Variants in KBTBD11 observed in about 807,000 individuals in gnomAD.
The protein encoded by KBTBD11 is kelch repeat and BTB domain-containing protein 11.
For missense variants in KBTBD11, 1,390 were observed against 1,001.8 expected, an observed-to-expected ratio of 1.39 and a Z score of -5.23; for synonymous variants, 747 against 499.0, an observed-to-expected ratio of 1.50 and a Z score of -6.63.
rs762238857 is a variant in KBTBD11, at chr8:2,001,404, C to G, written c.212C>G (p.Pro71Arg). ...ACCTCCCCGCCCTCCAGCGGTGGCC[C>G]GCGGGTGGTGGAGCGGCAGTGGGAG... ...AATSPPSSGGPRVVERQWEAG... is the reference protein window; with the variant it reads ...AATSPPSSGGRRVVERQWEAG... The change falls in exon 2 of 2, where the codon CCG (proline) becomes CGG (arginine). Residue 71 changes from proline to arginine, a missense_variant. Transcript: ENST00000320248. 6.5e-4 allele frequency: 908 copies of G among 1,406,226 alleles called. 1 individual carries two copies. The highest frequency in any genetic ancestry group is 1.5e-3 in the Admixed American group (50 of 32,478). The allele number at this position is 1,406,226 out of a possible 1,614,324, so 87.1% of individuals were successfully genotyped here.
In KBTBD11 at chr8:2,003,117, C is replaced by G; in HGVS notation, c.*53C>G. 1 of 1,252,288 alleles carries G rather than the reference C, an allele frequency of 8.0e-7. No individual in the cohort carries two copies. Among genetic ancestry groups the G allele is most frequent in the Non-Finnish European group, 1.0e-6 (1 of 991,796 alleles). 77.6% of individuals were successfully genotyped at this position (1,252,288 alleles called of 1,614,324 possible). On this transcript the variant is annotated 3_prime_UTR_variant, in exon 2 of 2. Transcript: ENST00000320248. ...CGGCAGGGGTTTGCGGGGCCCAGGT[C>G]CCTTTGGGCCCGCGGAGGAGGACGT...
intron 1 of KBTBD11, among the ~76,000 whole-genome samples, chr8:1,980,270 A>G (rs1244049664): frequency 7.4e-6 from 1 of 134,780 alleles, no homozygotes; most frequent in Non-Finnish European, 1.5e-5. Flanking sequence ...CTCTGTCACC[A>G]GGCTGGAGTG....
At chr8:1,999,546 G>A (rs1281150514) in intron 1 of KBTBD11, among the ~76,000 whole-genome samples, 2 of 152,162 alleles carry the variant, frequency 1.3e-5, no homozygotes, top group African/African-American at 4.8e-5. Flanking sequence ...ATATTTGATT[G>A]TATTCTATAA....
chr8:1,991,465 C>T (rs988870836), intron 1 of KBTBD11, among the ~76,000 whole-genome samples: 2 of 152,256 alleles, frequency 1.3e-5, no homozygotes, highest in African/African-American at 2.4e-5. Flanking sequence ...CTGTCCTCTT[C>T]CCATTTTTAA....
chr8:2,003,272 AG>A lies in KBTBD11; in HGVS notation c.*209del, dbSNP rs549069650. 3.1e-5 allele frequency: 23 copies of A among 731,740 alleles called. No homozygotes were observed. In the African/African-American group the frequency reaches 3.5e-4, roughly 11 times the overall value. 45.3% of individuals were successfully genotyped at this position (731,740 alleles called of 1,614,324 possible). On this transcript the variant is annotated 3_prime_UTR_variant, in exon 2 of 2. Coordinates refer to ENST00000320248, the MANE Select transcript of KBTBD11 (RefSeq NM_014867.3). ...TTTGCTTCTGGGGGTGGATGCCTTG[AG>A]ACCCAGGAGGTGTGCGGATGGGTCC...
At chr8:1,979,330 C>T (rs1261019815) in intron 1 of KBTBD11, among the ~76,000 whole-genome samples, 1 of 152,186 alleles carries the variant, frequency 6.6e-6, no homozygotes, top group Non-Finnish European at 1.5e-5. Flanking sequence ...TTAATCATGT[C>T]TTTAAAAAAC....
chr8:1,992,895 A>T (rs1017812435), intron 1 of KBTBD11, among the ~76,000 whole-genome samples: 1 of 151,606 alleles, frequency 6.6e-6, no homozygotes, highest in Non-Finnish European at 1.5e-5. Flanking sequence ...ATAATATCTT[A>T]ATCTGCCATT....
rs760094316 is a variant in KBTBD11 at position 2,002,431 on chromosome 8, C to T, written c.1239C>T (p.His413=). The change falls in exon 2 of 2, where the codon CAC becomes CAT. Residue 413 remains histidine, a synonymous_variant. Coordinates refer to ENST00000320248, the MANE Select transcript of KBTBD11 (RefSeq NM_014867.3). This position sits in a 1 kb window ranked among gnomAD's most constrained non-coding sequence, Gnocchi z 4.1. ...SQLRLLALDG[H]LYAVGGECLL... is the part of the protein sequence containing the mutation. ...TGCGGCTGCTGGCCCTGGACGGTCA[C>T]CTCTACGCCGTGGGCGGCGAGTGCC... 16 of 1,505,024 alleles carry T rather than the reference C, an allele frequency of 1.1e-5. No homozygotes were observed. The highest frequency in any genetic ancestry group is 6.1e-5 in the South Asian group (5 of 81,366). The allele number at this position is 1,505,024 out of a possible 1,614,324, so 93.2% of individuals were successfully genotyped here.
At chr8:1,979,859 C>T (rs1003513246) in intron 1 of KBTBD11, among the ~76,000 whole-genome samples, 4 of 152,250 alleles carry the variant, frequency 2.6e-5, no homozygotes, top group African/African-American at 9.6e-5. Flanking sequence ...TTCCACACTC[C>T]TGGCTGCACC....
In KBTBD11 at chr8:1,982,340, A is replaced by T. The variant is rs145963035; in HGVS notation, c.-909+8405A>T. On this transcript the variant is annotated intron_variant, in intron 1 of 1. Coordinates refer to ENST00000320248, the MANE Select transcript of KBTBD11 (RefSeq NM_014867.3). Reference sequence around the variant, plus strand: ...GAAGACAGCAAGAGAGGAAGAAAGGAACAAAAGACCTACAAAACAACCAGA... The same window carrying T: ...GAAGACAGCAAGAGAGGAAGAAAGGTACAAAAGACCTACAAAACAACCAGA... Among the ~76,000 whole-genome samples, 196 of 152,336 alleles carry T rather than the reference A, an allele frequency of 1.3e-3. 1 individual carries two copies. The highest frequency in any genetic ancestry group is 2.3e-3 in the Non-Finnish European group (155 of 68,032).
intron 1 of KBTBD11, among the ~76,000 whole-genome samples, chr8:1,983,774 T>A (rs4577992): frequency 0.59 from 89,495 of 152,192 alleles, 26,717 homozygotes; most frequent in East Asian, 0.82. Context: ...TGGAGACTGC[T>A]TGGATGCAGG....
At chr8:1,982,956 C>T (rs1447221917) in intron 1 of KBTBD11, among the ~76,000 whole-genome samples, 6 of 152,108 alleles carry the variant, frequency 3.9e-5, no homozygotes, top group Non-Finnish European at 5.9e-5. Flanking sequence ...GAACTGCTGA[C>T]CTCAAGTGAT....
chr8:1,998,874 G>A (rs1817240328), intron 1 of KBTBD11, among the ~76,000 whole-genome samples: 1 of 152,174 alleles, frequency 6.6e-6, no homozygotes, highest in Non-Finnish European at 1.5e-5. Context: ...TTCCATTTCG[G>A]GTCACCGTTA....
chr8:1,974,222 G>C (rs1407375518), intron 1 of KBTBD11: 1 of 904,678 alleles, frequency 1.1e-6, no homozygotes, highest in Admixed American at 6.2e-5. Context: ...GCCTCCGGGA[G>C]GCCGCGTGGG....
At chr8:1,983,894 C>T (rs1327078921) in intron 1 of KBTBD11, among the ~76,000 whole-genome samples, 1 of 152,178 alleles carries the variant, frequency 6.6e-6, no homozygotes, top group Non-Finnish European at 1.5e-5. Flanking sequence ...CTTTGGGAGG[C>T]CAAGGTGGGT....
At chr8:1,996,509 C>G (rs1210594622) in intron 1 of KBTBD11, among the ~76,000 whole-genome samples, 1 of 152,020 alleles carries the variant, frequency 6.6e-6, no homozygotes, top group African/African-American at 2.4e-5. Context: ...CTCAGGTGAC[C>G]CACCCACCTC....
rs1817425829 is a variant in KBTBD11, at chr8:2,002,561, G to A, written c.1369G>A (p.Gly457Ser). The part of the protein sequence containing the change: ...AVAHEATTCH[G>S]EIYVSGGSLF... ...GGCGCATGAGGCCACCACCTGCCACGGCGAGATCTACGTGTCCGGGGGCTC... is the reference window on the plus strand; with the variant it reads ...GGCGCATGAGGCCACCACCTGCCACAGCGAGATCTACGTGTCCGGGGGCTC... Residue 457 changes from glycine (G) to serine (S), a missense_variant, in exon 2 of 2, where the codon GGC (glycine) becomes AGC (serine). Transcript: ENST00000320248. This position sits in a 1 kb window ranked among gnomAD's most constrained non-coding sequence, Gnocchi z 4.1. The A allele has an allele frequency of 6.3e-7, 1 of 1,577,622 alleles. No individual in the cohort carries two copies. The highest frequency in any genetic ancestry group is 8.5e-7 in the Non-Finnish European group (1 of 1,171,260).
chr8:1,981,641 C>G (rs1398316347), intron 1 of KBTBD11, among the ~76,000 whole-genome samples: 1 of 152,196 alleles, frequency 6.6e-6, no homozygotes, highest in Non-Finnish European at 1.5e-5. Flanking sequence ...GTCCAATTGT[C>G]TGAGAGCCCA....
In KBTBD11 at chr8:2,001,795, C is replaced by A; in HGVS notation, c.603C>A (p.Pro201=). The change falls in exon 2 of 2, where the codon CCC becomes CCA. Residue 201 remains proline, a synonymous_variant. Transcript: ENST00000320248. The part of the protein sequence containing the change: ...AYSGRMAGVR[P]DNVAEVVAGA... ...GCGGGCGCATGGCGGGCGTGCGGCC[C>A]GACAACGTGGCCGAGGTGGTGGCCG... 1 of 1,253,572 alleles carries A rather than the reference C, an allele frequency of 8.0e-7. No homozygotes were observed. The highest frequency in any genetic ancestry group is 1.6e-5 in the African/African-American group (1 of 63,432). The allele number at this position is 1,253,572 out of a possible 1,614,324, so 77.7% of individuals were successfully genotyped here.
Sources: gnomAD v4.1 joint callset for allele counts (sites outside exome capture counted in the v4.1 genomes callset) on GRCh38, gnomAD v4.1.1 for gene constraint, Gnocchi (gnomAD v3.1) non-coding constraint, MANE v1.5 for transcripts, NCBI Gene and HGNC (gene_info 2026-07-23, HGNC 2026-07-21) for gene names.